Variants in SMARCA4 observed in about 807,000 individuals in gnomAD.
The protein encoded by SMARCA4 is SWI/SNF related BAF chromatin remodeling complex subunit ATPase 4.
In SMARCA4, 31 loss-of-function variants were observed where a neutral mutation model predicts 193.9. The ratio of observed to expected loss-of-function variants is 0.16; its 90% CI spans 0.12 to 0.22. The LOEUF is 0.22. Ranked by LOEUF, SMARCA4 falls within the 10% of genes least tolerant of loss-of-function variation. The probability of loss-of-function intolerance (pLI) is 1.00; values close to 1 mark genes in which losing one functional copy is unlikely to be tolerated. For synonymous variants in SMARCA4, 942 were observed against 933.1 expected (o/e 1.01, Z -0.17); for missense variants, 1,148 against 2,296.0 (o/e 0.50, Z 10.22).
intron 29 of SMARCA4, 37 bp downstream of exon 29, chr19:11,035,169 A>G (rs2146706381): frequency 6.3e-7 from 1 of 1,578,048 alleles, no homozygotes; most frequent in South Asian, 1.1e-5. Context: ...GCCGCAGGCC[A>G]GCGCCAGGCA....
In SMARCA4 at chr19:11,041,232, C is replaced by T. The variant is rs1306493607; in HGVS notation, c.4171-75C>T. The T allele has an allele frequency of 6.7e-7, 1 of 1,502,776 alleles. No homozygotes were observed. The allele number at this position is 1,502,776 out of a possible 1,614,324, so 93.1% of individuals were successfully genotyped here. ...CCCTCCTCCGTGTCCCAGCCCGGCCCCTGGGATTGCGTCGCGGCCTCTGCT... is the reference window on the plus strand; with the variant it reads ...CCCTCCTCCGTGTCCCAGCCCGGCCTCTGGGATTGCGTCGCGGCCTCTGCT... On this transcript the variant is annotated intron_variant, in intron 29 of 34. Transcript: ENST00000344626. This position sits in a 1 kb window ranked among gnomAD's most constrained non-coding sequence, Gnocchi z 5.6.
chr19:11,048,995 C>T (rs984096913), intron 30 of SMARCA4, among the ~76,000 whole-genome samples: 1 of 152,192 alleles, frequency 6.6e-6, no homozygotes. Context: ...GTGACATGCC[C>T]CTCCTGCTCA....
In SMARCA4 at chr19:10,986,774, C is replaced by T. The variant is rs11669948; in HGVS notation, c.761-131C>T. 0.036 allele frequency: 43,474 copies of T among 1,222,232 alleles called. 1,022 individuals are homozygous for T. Among genetic ancestry groups the T allele is most frequent in the Non-Finnish European group, 0.043 (36,697 of 853,562 alleles). 75.7% of individuals were successfully genotyped at this position (1,222,232 alleles called of 1,614,324 possible). A position where few individuals can be genotyped will look rare whatever the true frequency, so the allele number is the denominator to read the frequency against. ...AGCTAAATGCTGCTTCCCCAGCTCC[C>T]CGCTTCCCCTGGGGCCGCTGGTTAA... On this transcript the variant is annotated intron_variant, in intron 4 of 34. Coordinates refer to ENST00000344626, the MANE Select transcript of SMARCA4 (RefSeq NM_003072.5). This position sits in a 1 kb window ranked among gnomAD's most constrained non-coding sequence, Gnocchi z 6.7.
At chr19:11,032,924 C>G (rs1446596997) in intron 25 of SMARCA4, among the ~76,000 whole-genome samples, 1 of 152,192 alleles carries the variant, frequency 6.6e-6, no homozygotes, top group Non-Finnish European at 1.5e-5. Flanking sequence ...AGCTTCGGCC[C>G]CCTGTTGTAA....
Position 10,985,569 on chromosome 19 carries a change from G to T in SMARCA4, c.355+164G>T, listed in dbSNP as rs898823360. On this transcript the variant is annotated intron_variant, in intron 3 of 34. Coordinates refer to ENST00000344626, the MANE Select transcript of SMARCA4 (RefSeq NM_003072.5). This position sits in a 1 kb window ranked among gnomAD's most constrained non-coding sequence, Gnocchi z 4.5. ...AGCTGTCTGGCATGGCGTGGCTGGT[G>T]CTCTGTTCTGGCCACCTCGTCTCGG... Among the ~76,000 whole-genome samples the T allele has an allele frequency of 9.9e-5, 15 of 152,226 alleles. No individual in the cohort carries two copies. The highest frequency in any genetic ancestry group is 3.6e-4 in the African/African-American group (15 of 41,468).
chr19:11,019,480 G>A lies in SMARCA4; in HGVS notation c.2506-111G>A. The A allele has an allele frequency of 1.4e-6, 1 of 719,682 alleles. No individual in the cohort carries two copies. The highest frequency in any genetic ancestry group is 1.5e-5 in the South Asian group (1 of 66,544). The allele number at this position is 719,682 out of a possible 1,614,324, so 44.6% of individuals were successfully genotyped here. The stretch of plus-strand genomic sequence containing the variant: ...CCCCTTTCCCCACTACCCCTGTGAG[G>A]ACGAGCCCTCCCGCCGTGTCACTGG... On this transcript the variant is annotated intron_variant, in intron 17 of 34. Transcript: ENST00000344626. This position sits in a 1 kb window ranked among gnomAD's most constrained non-coding sequence, Gnocchi z 6.1.
intron 30 of SMARCA4, among the ~76,000 whole-genome samples, chr19:11,048,696 G>A (rs1424288045): frequency 6.6e-6 from 1 of 152,158 alleles, no homozygotes; most frequent in Non-Finnish European, 1.5e-5. Flanking sequence ...AGACCCTTTT[G>A]GAGAGGCAGG....
intron 1 of SMARCA4, among the ~76,000 whole-genome samples, chr19:10,982,260 G>A (rs2085612963): frequency 6.6e-6 from 1 of 152,026 alleles, no homozygotes; most frequent in Non-Finnish European, 1.5e-5. Flanking sequence ...GGGATCACGA[G>A]GTCAGGAGTT....
intron 1 of SMARCA4, chr19:10,965,415 A>G (rs2084137040): frequency 6.6e-6 from 1 of 152,218 alleles, no homozygotes; most frequent in African/African-American, 2.4e-5. Context: ...ATTTATTAGG[A>G]TTCCTGCAAC....
In SMARCA4 at chr19:11,046,222, CAAA is replaced by C. The variant is rs574819439; in HGVS notation, c.4424+4676_4424+4678del. On this transcript the variant is annotated intron_variant, in intron 30 of 34. Transcript: ENST00000344626. ...TGGGCGACAGAGCGAGACTCCGTCT[CAAA>C]AAAAAAAAAAAAACCCCAAATCTTA... Among the ~76,000 whole-genome samples the C allele has an allele frequency of 2.4e-3, 198 of 83,592 alleles. 1 individual carries two copies. Among genetic ancestry groups the C allele is most frequent in the Non-Finnish European group, 5.9e-4 (23 of 38,958 alleles). 54.8% of individuals were successfully genotyped at this position (83,592 alleles called of 152,430 possible).
chr19:10,978,948 CTAAA>C (rs1009729297), intron 1 of SMARCA4, among the ~76,000 whole-genome samples: 6 of 151,888 alleles, frequency 4.0e-5, no homozygotes, highest in Middle Eastern at 3.4e-3. Context: ...GACTCTGTCT[CTAAA>C]TAAATAAATA....
intron 13 of SMARCA4, 113 bp downstream of exon 13, chr19:11,003,510 C>A: frequency 3.0e-6 from 3 of 998,048 alleles, no homozygotes; most frequent in Non-Finnish European, 3.2e-6. Context: ...GGGCAGGGAA[C>A]AGCAGGGCCC....
chr19:11,018,887 G>A (rs1026317978), intron 16 of SMARCA4, 70 bp from the exon 17 acceptor site: 4 of 1,307,858 alleles, frequency 3.1e-6, no homozygotes, highest in African/African-American at 2.9e-5. Context: ...GACAGCCAGT[G>A]GCTATGGGTT....
intron 1 of SMARCA4, among the ~76,000 whole-genome samples, chr19:10,973,883 A>G (rs1358196972): frequency 6.6e-6 from 1 of 151,766 alleles, no homozygotes. Flanking sequence ...AGGTTTTCTT[A>G]TAGACCACCG....
intron 1 of SMARCA4, among the ~76,000 whole-genome samples, chr19:10,969,574 GC>G (rs1402644515): frequency 6.6e-6 from 1 of 152,030 alleles, no homozygotes; most frequent in Non-Finnish European, 1.5e-5. Flanking sequence ...GGGATTACAG[GC>G]ATGCACCACC....
In SMARCA4 at chr19:10,984,277, G is replaced by A. The variant is rs765325777; in HGVS notation, c.126G>A (p.Met42Ile). The change falls in exon 2 of 35, where the codon ATG becomes ATA. Residue 42 changes from methionine to isoleucine, a missense_variant. Physicochemically the swap from Met to Ile is conservative, Grantham distance 10. Around this residue, in one of 17 missense-constraint regions of SMARCA4, gnomAD observed 201 missense variants for 248.3 expected, o/e 0.81. Transcript: ENST00000344626. This position sits in a 1 kb window ranked among gnomAD's most constrained non-coding sequence, Gnocchi z 4.3. ...CCTCGCCGGGCTCCGCCCACAGCAT[G>A]ATGGGGCCCAGCCCAGGGCCGCCCT... ...PGPSPGSAHS[M>I]MGPSPGPPSA... is the part of the protein sequence containing the mutation. The A allele has an allele frequency of 6.2e-7, 1 of 1,610,802 alleles. No homozygotes were observed. Among genetic ancestry groups the A allele is most frequent in the East Asian group, 2.2e-5 (1 of 44,836 alleles).
At chr19:11,045,174 G>C (rs1418377434) in intron 30 of SMARCA4, among the ~76,000 whole-genome samples, 1 of 152,182 alleles carries the variant, frequency 6.6e-6, no homozygotes, top group Non-Finnish European at 1.5e-5. Context: ...CAAAAAATTA[G>C]CCGGGTGTGG....
chr19:11,058,367 AC>A lies in SMARCA4; in HGVS notation c.4533+7del. ...CGTGGACTTCAAGAAGATAAAGGTA[AC>A]CCTGACGTTGTACCTGCGCCCCGCA... On this transcript the variant is annotated splice_donor_5th_base_variant and intron_variant, in intron 31 of 34. Transcript: ENST00000344626. The surrounding 1 kb of genome is among the most constrained non-coding windows in gnomAD (Gnocchi z 5.8). 1 of 1,593,396 alleles carries A rather than the reference AC, an allele frequency of 6.3e-7. No homozygotes were observed. The highest frequency in any genetic ancestry group is 8.6e-7 in the Non-Finnish European group (1 of 1,161,528).
At chr19:10,967,859 T>C (rs921442142) in intron 1 of SMARCA4, among the ~76,000 whole-genome samples, 1 of 132,014 alleles carries the variant, frequency 7.6e-6, no homozygotes, top group Non-Finnish European at 1.8e-5. Context: ...TAATTTTGTA[T>C]TTTTTTTTAA....
Sources: gnomAD v4.1 joint callset for allele counts (sites outside exome capture counted in the v4.1 genomes callset) on GRCh38, gnomAD v4.1.1 for gene constraint, gnomAD v4.1.1 regional missense constraint, Gnocchi (gnomAD v3.1) non-coding constraint, MANE v1.5 for transcripts, NCBI Gene and HGNC (gene_info 2026-07-23, HGNC 2026-07-21) for gene names.